The following TBCD variants were observed in gnomAD, a reference collection of about 807,000 sequenced individuals.
TBCD encodes the protein tubulin folding cofactor D, also known as tubulin-specific chaperone D.
Under a neutral mutation model 169.3 loss-of-function variants are expected in TBCD, and 105 were observed. That is an observed-to-expected ratio of 0.62 (90% CI 0.53 to 0.73). TBCD has a LOEUF of 0.73. Ranked by LOEUF, TBCD falls within the 30% of genes least tolerant of loss-of-function variation. The pLI, the probability that TBCD is intolerant of heterozygous loss-of-function variation, is 0.00. For missense variants in TBCD, 1,444 were observed against 1,600.1 expected, an observed-to-expected ratio of 0.90 and a Z score of 1.66; for synonymous variants, 700 against 643.9, an observed-to-expected ratio of 1.09 and a Z score of -1.32.
chr17:82,916,811 C>A (rs1019533490), intron 23 of TBCD, among the ~76,000 whole-genome samples: 1 of 151,990 alleles, frequency 6.6e-6, no homozygotes, highest in Admixed American at 6.6e-5. Context: ...ATACTTGTTC[C>A]ATAATCTGTA....
rs1251921805 is a variant in TBCD at position 82,874,642 on chromosome 17, C to T, written c.1475+4262C>T. On this transcript the variant is annotated intron_variant, in intron 14 of 38. Transcript: ENST00000355528. The surrounding 1 kb of genome is among the most constrained non-coding windows in gnomAD (Gnocchi z 5.0). ...AACGGGTTCTTAGAGAACCTGGGCC[C>T]CATCCCTCCTTGGCCCACGCAGACT... is the stretch of plus-strand genomic sequence containing the variant. Among the ~76,000 whole-genome samples the T allele has an allele frequency of 6.6e-6, 1 of 152,164 alleles. No homozygotes were observed. The highest frequency in any genetic ancestry group is 1.5e-5 in the Non-Finnish European group (1 of 68,028).
At chr17:82,855,695 C>T (rs1266178453) in intron 13 of TBCD, among the ~76,000 whole-genome samples, 1 of 152,104 alleles carries the variant, frequency 6.6e-6, no homozygotes, top group Non-Finnish European at 1.5e-5. Flanking sequence ...AGTACATACC[C>T]AATGTTGCAC....
chr17:82,799,460 A>AG (rs2050340898), intron 8 of TBCD, among the ~76,000 whole-genome samples: 1 of 151,104 alleles, frequency 6.6e-6, no homozygotes, highest in Admixed American at 6.6e-5. Flanking sequence ...AAAAAAAAAA[A>AG]AAAGAAACTA....
chr17:82,848,482 C>T (rs1365940904), intron 13 of TBCD, among the ~76,000 whole-genome samples: 4 of 152,304 alleles, frequency 2.6e-5, no homozygotes, highest in African/African-American at 7.2e-5. Flanking sequence ...ACCCCGACAG[C>T]GAGGTGTCTT....
At chr17:82,828,086 C>G (rs1428978103) in intron 13 of TBCD, among the ~76,000 whole-genome samples, 1 of 143,030 alleles carries the variant, frequency 7.0e-6, no homozygotes, top group Non-Finnish European at 1.5e-5. Flanking sequence ...TCCACACAAT[C>G]GAATGCACAC....
chr17:82,843,902 G>A lies in TBCD; in HGVS notation c.1319-26322G>A, dbSNP rs755036115. ...TGCAGGCTGATACTTTTCCACCATG[G>A]ATTAGTTTTATGTGTTGTAGAATTT... On this transcript the variant is annotated intron_variant, in intron 13 of 38. Coordinates refer to ENST00000355528, the MANE Select transcript of TBCD (RefSeq NM_005993.5). 3.3e-5 allele frequency among the ~76,000 whole-genome samples: 5 copies of A among 152,276 alleles called. No homozygotes were observed. The South Asian group carries it at 1.0e-3, about 32-fold the overall frequency.
chr17:82,834,963 C>T (rs969102828), intron 13 of TBCD, among the ~76,000 whole-genome samples: 4 of 151,934 alleles, frequency 2.6e-5, no homozygotes, highest in South Asian at 2.1e-4. Context: ...TTTGGGAGGC[C>T]GAGGTGGGAG....
At chr17:82,906,504 A>T (rs531609558) in intron 20 of TBCD, among the ~76,000 whole-genome samples, 1 of 152,248 alleles carries the variant, frequency 6.6e-6, no homozygotes, top group Non-Finnish European at 1.5e-5. Context: ...TCAGTTGGCT[A>T]TGTTTGTACA....
chr17:82,929,543 G>A lies in TBCD; in HGVS notation c.2991+43G>A, dbSNP rs1353294790. ...TGGCTGGGGCAGGAGGTGGCTCCAGGAGTGCCTGGTGCTTCCCTGTCTCTT... is the reference window on the plus strand; with the variant it reads ...TGGCTGGGGCAGGAGGTGGCTCCAGAAGTGCCTGGTGCTTCCCTGTCTCTT... On this transcript the variant is annotated intron_variant, in intron 32 of 38. Coordinates refer to ENST00000355528, the MANE Select transcript of TBCD (RefSeq NM_005993.5). 7.5e-6 allele frequency: 12 copies of A among 1,598,464 alleles called. No individual in the cohort carries two copies. The East Asian group carries it at 2.5e-4, about 33-fold the overall frequency.
intron 13 of TBCD, among the ~76,000 whole-genome samples, chr17:82,834,891 T>C (rs941442264): frequency 6.6e-6 from 1 of 151,250 alleles, no homozygotes; most frequent in African/African-American, 2.5e-5. Flanking sequence ...AAAAAAAAAA[T>C]ACATTAAAGT....
intron 38 of TBCD, chr17:82,941,965 GTC>G (rs149206840): frequency 1.3e-5 from 3 of 230,610 alleles, no homozygotes; most frequent in Admixed American, 5.6e-5. Context: ...TTGCTGTGCT[GTC>G]TCTCTAGTTA....
At chr17:82,772,379 T>C in intron 5 of TBCD, 73 bp from the exon 6 acceptor site, 1 of 1,511,582 alleles carries the variant, frequency 6.6e-7, no homozygotes, top group South Asian at 1.1e-5. Context: ...AGGGTGGGAC[T>C]GGTGACTGTG....
In TBCD at chr17:82,865,674, T is replaced by G. The variant is rs187092246; in HGVS notation, c.1319-4550T>G. Among the ~76,000 whole-genome samples, 35 of 152,390 alleles carry G rather than the reference T, an allele frequency of 2.3e-4. No homozygotes were observed. In the East Asian group the frequency reaches 2.7e-3, roughly 12 times the overall value. ...GCAGTTTATGCCTGGCAGTGATGTT[T>G]GTTTTTAAAATTAGTAAAACCTCAT... is the stretch of plus-strand genomic sequence containing the variant. On this transcript the variant is annotated intron_variant, in intron 13 of 38. Coordinates refer to ENST00000355528, the MANE Select transcript of TBCD (RefSeq NM_005993.5).
At position 82,790,873 on chromosome 17, in the gene TBCD, T is replaced by G. The variant is rs78510372; in HGVS notation, c.772-6884T>G. 3.0e-4 allele frequency among the ~76,000 whole-genome samples: 45 copies of G among 152,118 alleles called. No individual in the cohort carries two copies. In the East Asian group the frequency reaches 8.7e-3, roughly 29 times the overall value. On this transcript the variant is annotated intron_variant, in intron 7 of 38. Coordinates refer to ENST00000355528, the MANE Select transcript of TBCD (RefSeq NM_005993.5). Reference sequence around the variant, plus strand: ...TGCACTGCAGAGAAGCTCAGACCCCTCTCTGACCTCAGACGCTGGAGCCTG... The same window carrying G: ...TGCACTGCAGAGAAGCTCAGACCCCGCTCTGACCTCAGACGCTGGAGCCTG...
intron 12 of TBCD, among the ~76,000 whole-genome samples, chr17:82,811,107 G>A (rs997558606): frequency 6.6e-6 from 1 of 152,166 alleles, no homozygotes; most frequent in African/African-American, 2.4e-5. Context: ...CTCTGTAGGC[G>A]ACCTCCAGCC....
intron 6 of TBCD, among the ~76,000 whole-genome samples, chr17:82,776,352 T>C (rs988999482): frequency 3.9e-5 from 6 of 152,268 alleles, no homozygotes; most frequent in Non-Finnish European, 8.8e-5. Context: ...GAGGTTTCAG[T>C]GAGCTGTGAT....
At chr17:82,785,325 G>A (rs2049237030) in intron 7 of TBCD, among the ~76,000 whole-genome samples, 1 of 76,770 alleles carries the variant, frequency 1.3e-5, no homozygotes, top group Non-Finnish European at 2.7e-5. Flanking sequence ...GGGGGTCCAT[G>A]CTGTGTGACT....
chr17:82,923,758 A>C lies in TBCD; in HGVS notation c.2260+25A>C. The C allele has an allele frequency of 6.4e-7, 1 of 1,573,520 alleles. No individual in the cohort carries two copies. Among genetic ancestry groups the C allele is most frequent in the South Asian group, 1.2e-5 (1 of 86,230 alleles). ...GGTGAGTGGGGAGCCCTTTTCTTGAAGACTCCAGGGGCTTCCAGCAGGAAG... is the reference window on the plus strand; with the variant it reads ...GGTGAGTGGGGAGCCCTTTTCTTGACGACTCCAGGGGCTTCCAGCAGGAAG... On this transcript the variant is annotated intron_variant, in intron 26 of 38. Transcript: ENST00000355528. This position sits in a 1 kb window ranked among gnomAD's most constrained non-coding sequence, Gnocchi z 4.6.
Position 82,842,409 on chromosome 17 carries a change from C to T in TBCD, c.1318+27475C>T, listed in dbSNP as rs115319461. 7.3e-3 allele frequency among the ~76,000 whole-genome samples: 1,119 copies of T among 152,314 alleles called. 12 individuals carry two copies. The highest frequency in any genetic ancestry group is 0.026 in the African/African-American group (1,080 of 41,566). ...TCTCCCCCTCTCTCCCTTCTCCACT[C>T]CTGGTCGAGGTGTTGTTTGGTGGCT... On this transcript the variant is annotated intron_variant, in intron 13 of 38. Coordinates refer to ENST00000355528, the MANE Select transcript of TBCD (RefSeq NM_005993.5).
Sources: allele counts gnomAD v4.1 joint callset (sites outside exome capture counted in the v4.1 genomes callset), GRCh38; gene constraint gnomAD v4.1.1; non-coding constraint Gnocchi (gnomAD v3.1); transcripts MANE v1.5; gene names NCBI Gene and HGNC (gene_info 2026-07-23, HGNC 2026-07-21).